BAHCC1: variants seen among roughly 807,000 people sequenced by gnomAD.
BAHCC1 encodes BAH and coiled-coil domain-containing protein 1.
BAHCC1 carries 43 observed loss-of-function variants against 88.2 expected under a neutral mutation model. That is an observed-to-expected ratio of 0.49 (90% CI 0.38 to 0.63). The LOEUF (loss-of-function observed/expected upper bound fraction) is 0.63. BAHCC1 is among the 20% of genes least tolerant of loss of function. BAHCC1 has a pLI of 0.00. For synonymous variants in BAHCC1, 1,510 were observed against 745.5 expected, an observed-to-expected ratio of 2.03 and a Z score of -16.71; for missense variants, 3,023 against 1,654.8, an observed-to-expected ratio of 1.83 and a Z score of -14.34.
At chr17:81,462,407 T>C (rs2030378479) in intron 26 of BAHCC1, among the ~76,000 whole-genome samples, 1 of 152,248 alleles carries the variant, frequency 6.6e-6, no homozygotes. Context: ...ACCAGGGCAC[T>C]GCTCGGGGGC....
rs1318377841 is a variant in BAHCC1 at position 81,411,789 on chromosome 17, T to C, written c.178+11872T>C. Among the ~76,000 whole-genome samples the C allele has an allele frequency of 6.6e-6, 1 of 152,140 alleles. No homozygotes were observed. Among genetic ancestry groups the C allele is most frequent in the East Asian group, 1.9e-4 (1 of 5,178 alleles). On this transcript the variant is annotated intron_variant, in intron 2 of 27. Coordinates refer to ENST00000675386, the MANE Select transcript of BAHCC1 (RefSeq NM_001377448.1). The surrounding 1 kb of genome is among the most constrained non-coding windows in gnomAD (Gnocchi z 6.2). ...CTCCCTGGGTCTCTGGGCCTTTGCCTCTACCCACACCTGCACGCCTCAGCA... is the reference window on the plus strand; with the variant it reads ...CTCCCTGGGTCTCTGGGCCTTTGCCCCTACCCACACCTGCACGCCTCAGCA...
Position 81,461,448 on chromosome 17 carries a change from T to C in BAHCC1, c.6785T>C (p.Ile2262Thr). Residue 2262 changes from isoleucine to threonine, a missense_variant, in exon 26 of 28, where the codon ATC (isoleucine) becomes ACC (threonine). Ile to Thr is a moderately conservative substitution (Grantham distance 89). Transcript: ENST00000675386. ...VGKDKKGRAP[I>T]PPLPMGLALR... The stretch of plus-strand genomic sequence containing the variant: ...AAGGACAAGAAGGGGCGGGCACCCA[T>C]CCCCCCGCTGCCCATGGGGCTGGCG... 1 of 738,696 alleles carries C rather than the reference T, an allele frequency of 1.4e-6. No homozygotes were observed. Among genetic ancestry groups the C allele is most frequent in the Non-Finnish European group, 2.5e-6 (1 of 398,658 alleles). The allele number at this position is 738,696 out of a possible 1,614,324, so 45.8% of individuals were successfully genotyped here. A position where few individuals can be genotyped will look rare whatever the true frequency, so the allele number is the denominator to read the frequency against.
chr17:81,455,302 A>G lies in BAHCC1; in HGVS notation c.4481A>G (p.Glu1494Gly). Residue 1494 changes from glutamate to glycine, a missense_variant, in exon 15 of 28, where the codon GAG becomes GGG. Transcript: ENST00000675386. ...ACAAGCCTGGGTCTGCTGTGTGCGG[A>G]GCTGCGAGGAGGCAGTGGGGGCGAG... ...VRTSLGLLCA[E>G]LRGGSGGEPA... 1 of 717,224 alleles carries G rather than the reference A, an allele frequency of 1.4e-6. No individual in the cohort carries two copies. Among genetic ancestry groups the G allele is most frequent in the South Asian group, 1.5e-5 (1 of 67,638 alleles). 44.4% of individuals were successfully genotyped at this position (717,224 alleles called of 1,614,324 possible).
At position 81,411,648 on chromosome 17, in the gene BAHCC1, G is replaced by C. The variant is rs1207991478; in HGVS notation, c.178+11731G>C. On this transcript the variant is annotated intron_variant, in intron 2 of 27. Coordinates refer to ENST00000675386, the MANE Select transcript of BAHCC1 (RefSeq NM_001377448.1). This position sits in a 1 kb window ranked among gnomAD's most constrained non-coding sequence, Gnocchi z 6.2. ...ACCCGAAGAGGGTGTGGGGTGGTCA[G>C]GTTTGGGGCATTCCAGACCTGAGGC... is the stretch of plus-strand genomic sequence containing the variant. The C allele has an allele frequency of 1.1e-5, 4 of 378,748 alleles. No homozygotes were observed. The highest frequency in any genetic ancestry group is 6.3e-5 in the African/African-American group (3 of 47,306). The allele number at this position is 378,748 out of a possible 1,614,324, so 23.5% of individuals were successfully genotyped here. A position where few individuals can be genotyped will look rare whatever the true frequency, so the allele number is the denominator to read the frequency against.
chr17:81,421,814 C>A (rs2064118791), intron 2 of BAHCC1: 1 of 194,072 alleles, frequency 5.2e-6, no homozygotes. Flanking sequence ...CAAGAGGCCA[C>A]CCCAGTCCCT....
chr17:81,418,756 T>TGTGTGTGTAC (rs71367050), intron 2 of BAHCC1, among the ~76,000 whole-genome samples: 2 of 148,602 alleles, frequency 1.3e-5, no homozygotes, highest in African/African-American at 2.5e-5. Context: ...CACAGACGTG[T>TGTGTGTGTAC]GTGTGTGTAC....
At position 81,461,813 on chromosome 17, in the gene BAHCC1, C is replaced by T. The variant is rs782117751; in HGVS notation, c.7150C>T (p.His2384Tyr). ...EALRSKGSGP[H>Y]AHAQRCFLSR... is the part of the protein sequence containing the mutation. Reference sequence around the variant, plus strand: ...CCTGCGCTCCAAGGGCAGCGGCCCTCACGCGCATGCCCAGCGCTGCTTCCT... The same window carrying T: ...CCTGCGCTCCAAGGGCAGCGGCCCTTACGCGCATGCCCAGCGCTGCTTCCT... The change falls in exon 26 of 28, where the codon CAC becomes TAC. Residue 2384 changes from histidine to tyrosine, a missense_variant. Coordinates refer to ENST00000675386, the MANE Select transcript of BAHCC1 (RefSeq NM_001377448.1). The T allele has an allele frequency of 3.2e-5, 23 of 716,976 alleles. No individual in the cohort carries two copies. The highest frequency in any genetic ancestry group is 4.9e-5 in the Non-Finnish European group (19 of 384,774). The allele number at this position is 716,976 out of a possible 1,614,324, so 44.4% of individuals were successfully genotyped here.
rs1555645492 is a variant in BAHCC1 at position 81,399,275 on chromosome 17, T to C, written c.-206-259T>C. 2.8e-6 allele frequency: 1 copy of C among 361,194 alleles called. No homozygotes were observed. The highest frequency in any genetic ancestry group is 5.6e-6 in the Non-Finnish European group (1 of 178,014). 22.4% of individuals were successfully genotyped at this position (361,194 alleles called of 1,614,324 possible). A position where few individuals can be genotyped will look rare whatever the true frequency, so the allele number is the denominator to read the frequency against. On this transcript the variant is annotated intron_variant, in intron 1 of 27. Coordinates refer to ENST00000675386, the MANE Select transcript of BAHCC1 (RefSeq NM_001377448.1). The surrounding 1 kb of genome is among the most constrained non-coding windows in gnomAD (Gnocchi z 4.5). Reference sequence around the variant, plus strand: ...GACGAGAACGGGAGGCGGCGAGCAGTGCGGCTGGGTTCCCCCGGCTGCCCC... The same window carrying C: ...GACGAGAACGGGAGGCGGCGAGCAGCGCGGCTGGGTTCCCCCGGCTGCCCC...
intron 2 of BAHCC1, among the ~76,000 whole-genome samples, chr17:81,426,418 G>C (rs2064199825): frequency 1.4e-5 from 2 of 147,802 alleles, no homozygotes; most frequent in African/African-American, 2.5e-5. Flanking sequence ...TGTGGTTGGG[G>C]GTGATAGTGG....
At chr17:81,419,350 G>A (rs1266873725) in intron 2 of BAHCC1, among the ~76,000 whole-genome samples, 3 of 152,240 alleles carry the variant, frequency 2.0e-5, no homozygotes, top group Non-Finnish European at 1.5e-5. Context: ...CTGCATCCAC[G>A]CAGGAACCTG....
Position 81,445,068 on chromosome 17 carries a change from C to G in BAHCC1, c.2725C>G (p.Pro909Ala), listed in dbSNP as rs926707150. The G allele has an allele frequency of 1.3e-5, 10 of 768,420 alleles. No homozygotes were observed. The highest frequency in any genetic ancestry group is 1.7e-5 in the Non-Finnish European group (7 of 413,950). 47.6% of individuals were successfully genotyped at this position (768,420 alleles called of 1,614,324 possible). Residue 909 changes from proline (P) to alanine (A), a missense_variant, in exon 9 of 28, where the codon CCC (proline) becomes GCC (alanine). By Grantham distance (27) the Pro-to-Ala change is conservative. Transcript: ENST00000675386. ...LWPPMYGGRG[P>A]ASHMQHPGQL... ...GCCCCCCATGTACGGGGGCCGGGGC[C>G]CCGCCTCTCACATGCAGCACCCGGG... is the stretch of plus-strand genomic sequence containing the variant.
chr17:81,413,890 C>G (rs563894105), intron 2 of BAHCC1, among the ~76,000 whole-genome samples: 1 of 152,120 alleles, frequency 6.6e-6, no homozygotes, highest in Non-Finnish European at 1.5e-5. Flanking sequence ...CTTTCTCCTT[C>G]CGTTTCTGCA....
At position 81,458,367 on chromosome 17, in the gene BAHCC1, C is replaced by T; in HGVS notation, c.5244C>T (p.Pro1748=). Residue 1748 remains proline (P), a synonymous_variant, in exon 18 of 28, where the codon CCC becomes CCT. Coordinates refer to ENST00000675386, the MANE Select transcript of BAHCC1 (RefSeq NM_001377448.1). ...CCAGCAGGGACGCCCTCTTCAACCC[C>T]TCTCGGGCCTTCGCCTGCCGTGAGG... is the stretch of plus-strand genomic sequence containing the variant. ...ATPSRDALFN[P]SRAFACREEG... is the part of the protein sequence containing the mutation. 1.4e-6 allele frequency: 1 copy of T among 726,984 alleles called. No individual in the cohort carries two copies. The allele number at this position is 726,984 out of a possible 1,614,324, so 45.0% of individuals were successfully genotyped here.
Position 81,451,859 on chromosome 17 carries a change from A to G in BAHCC1, c.4168A>G (p.Lys1390Glu). The G allele has an allele frequency of 1.3e-6, 1 of 741,568 alleles. No homozygotes were observed. The highest frequency in any genetic ancestry group is 1.8e-5 in the Admixed American group (1 of 55,648). 45.9% of individuals were successfully genotyped at this position (741,568 alleles called of 1,614,324 possible). The change falls in exon 12 of 28, where the codon AAG becomes GAG. Residue 1390 changes from lysine to glutamate, a missense_variant. Physicochemically the swap from Lys to Glu is moderately conservative, Grantham distance 56 (BLOSUM62 1). Coordinates refer to ENST00000675386, the MANE Select transcript of BAHCC1 (RefSeq NM_001377448.1). ...GCAGCGCAAGGACACCTGGACCCCC[A>G]AGACCAAGCCTGTGAGTGGAGGTCC... The part of the protein sequence containing the change: ...ILQRKDTWTP[K>E]TKPVCPLKAA...
Position 81,451,977 on chromosome 17 carries a change from C to T in BAHCC1, c.4186C>T (p.Pro1396Ser), listed in dbSNP as rs2064645119. The T allele has an allele frequency of 1.6e-6, 1 of 624,926 alleles. No homozygotes were observed. Among genetic ancestry groups the T allele is most frequent in the African/African-American group, 1.9e-5 (1 of 53,938 alleles). The allele number at this position is 624,926 out of a possible 1,614,324, so 38.7% of individuals were successfully genotyped here. ...TWTPKTKPVC[P>S]LKAAIDRLDT... ...CCTGTGCCCCCCCCACCAGGTGTGC[C>T]CCCTGAAGGCCGCCATCGACCGGCT... The change falls in exon 13 of 28, where the codon CCC becomes TCC. Residue 1396 changes from proline (P) to serine (S), a missense_variant. Pro to Ser is a moderately conservative substitution (Grantham distance 74). Transcript: ENST00000675386.
In BAHCC1 at chr17:81,399,897, T is replaced by C. The variant is rs1555645757; in HGVS notation, c.158T>C (p.Leu53Ser). ...CCGGGAAAGTACTTCCCGTCGCCGT[T>C]GCCCATGGCTTCGCACACAGGTCAG... ...FQPGKYFPSP[L>S]PMASHTASSR... Residue 53 changes from leucine to serine, a missense_variant, in exon 2 of 28, where the codon TTG becomes TCG. Coordinates refer to ENST00000675386, the MANE Select transcript of BAHCC1 (RefSeq NM_001377448.1). This position sits in a 1 kb window ranked among gnomAD's most constrained non-coding sequence, Gnocchi z 4.5. 41 of 1,447,588 alleles carry C rather than the reference T, an allele frequency of 2.8e-5. No individual in the cohort carries two copies. Among genetic ancestry groups the C allele is most frequent in the Non-Finnish European group, 3.3e-5 (36 of 1,097,436 alleles). The allele number at this position is 1,447,588 out of a possible 1,614,324, so 89.7% of individuals were successfully genotyped here.
intron 27 of BAHCC1, 129 bp from the exon 28 acceptor site, chr17:81,463,482 G>A (rs1469743051): frequency 2.0e-5 from 13 of 660,946 alleles, no homozygotes; most frequent in East Asian, 8.2e-5. Flanking sequence ...CCTCGGCCCC[G>A]TCTTCCGGCC....
chr17:81,396,901 C>G (rs980272713), intron 1 of BAHCC1: 2 of 152,366 alleles, frequency 1.3e-5, no homozygotes, highest in Admixed American at 6.5e-5. Flanking sequence ...CCTCCCTTAC[C>G]TCAGCCCGAC....
chr17:81,442,430 G>A lies in BAHCC1; in HGVS notation c.1081G>A (p.Ala361Thr), dbSNP rs548807667. Residue 361 changes from alanine (A) to threonine (T), a missense_variant, in exon 5 of 28, where the codon GCC becomes ACC. By Grantham distance (58) the Ala-to-Thr change is moderately conservative (BLOSUM62 0). Coordinates refer to ENST00000675386, the MANE Select transcript of BAHCC1 (RefSeq NM_001377448.1). ...GCCACCCCCGCCCCTCAGCACAGCCGCCGGCTCCTTCCCCTGCCTGCAGCT... is the reference window on the plus strand; with the variant it reads ...GCCACCCCCGCCCCTCAGCACAGCCACCGGCTCCTTCCCCTGCCTGCAGCT... ...AGPPPPLSTA[A>T]GSFPCLQLHG... 726 of 706,590 alleles carry A rather than the reference G, an allele frequency of 1.0e-3. 2 individuals carry two copies. Among genetic ancestry groups the A allele is most frequent in the Non-Finnish European group, 1.5e-3 (579 of 381,256 alleles). 43.8% of individuals were successfully genotyped at this position (706,590 alleles called of 1,614,324 possible).
Sources: gnomAD v4.1 joint callset for allele counts (sites outside exome capture counted in the v4.1 genomes callset) on GRCh38, gnomAD v4.1.1 for gene constraint, Gnocchi (gnomAD v3.1) non-coding constraint, MANE v1.5 for transcripts, NCBI Gene and HGNC (gene_info 2026-07-23, HGNC 2026-07-21) for gene names.